NBAS: variants seen among roughly 807,000 people sequenced by gnomAD.
NBAS encodes NBAS subunit of NRZ tethering complex.
NBAS carries 219 observed loss-of-function variants against 302.5 expected under a neutral mutation model. That is an observed-to-expected ratio of 0.72 (90% CI 0.65 to 0.81). The LOEUF is 0.81. Among genes scored for constraint, NBAS ranks in the 30% least tolerant of loss-of-function variants. NBAS has a pLI of 0.00. For synonymous variants in NBAS, 1,118 were observed against 1,021.6 expected, an observed-to-expected ratio of 1.09 and a Z score of -1.80; for missense variants, 2,932 against 2,841.6, an observed-to-expected ratio of 1.03 and a Z score of -0.72.
intron 44 of NBAS, among the ~76,000 whole-genome samples, chr2:15,269,336 A>G (rs1235443478): frequency 6.6e-6 from 1 of 152,166 alleles, no homozygotes; most frequent in Non-Finnish European, 1.5e-5. Flanking sequence ...ATGGGAGACT[A>G]TTTAAAAATT....
intron 44 of NBAS, among the ~76,000 whole-genome samples, chr2:15,250,675 T>C (rs1157474189): frequency 6.6e-6 from 1 of 152,112 alleles, no homozygotes; most frequent in African/African-American, 2.4e-5. Context: ...ATCTCAAAAG[T>C]AGACATTTAT....
At chr2:14,902,411 T>A in the NBAS span, among the ~76,000 whole-genome samples, 5 of 152,178 alleles carry the variant, frequency 3.3e-5, no homozygotes, top group Non-Finnish European at 7.4e-5. Flanking sequence ...GGATTACAGA[T>A]TTGCACCACT....
chr2:15,421,677 A>C (rs1677220508), intron 23 of NBAS, among the ~76,000 whole-genome samples: 1 of 152,130 alleles, frequency 6.6e-6, no homozygotes, highest in Non-Finnish European at 1.5e-5. Context: ...AAAGAATACA[A>C]GCCAACTGAA....
At chr2:14,951,010 A>G in the NBAS span, among the ~76,000 whole-genome samples, 8 of 152,122 alleles carry the variant, frequency 5.3e-5, no homozygotes, top group Non-Finnish European at 1.2e-4. Flanking sequence ...CTCTGTAGCC[A>G]AAAGTACTCA....
intron 16 of NBAS, among the ~76,000 whole-genome samples, chr2:15,470,167 G>A (rs774400098): frequency 1.3e-5 from 2 of 151,602 alleles, no homozygotes; most frequent in African/African-American, 2.4e-5. Flanking sequence ...CCACAGCTGC[G>A]GCCTCCATAC....
intron 50 of NBAS, 43 bp from the exon 51 acceptor site, chr2:15,179,159 C>T (rs201477958): frequency 1.9e-6 from 3 of 1,613,288 alleles, no homozygotes; most frequent in Non-Finnish European, 2.5e-6. Context: ...CCACGACGTA[C>T]TTCTCACCGG....
chr2:15,275,821 A>C lies in NBAS; in HGVS notation c.5390-3T>G, dbSNP rs1452082999. The stretch of plus-strand genomic sequence containing the variant: ...TGTCAGCTTTTTGTAATTAAGACCT[A>C]GCAGAAAAAAAAAGAAAGTAGGTAA... On this transcript the variant is annotated splice_polypyrimidine_tract_variant and splice_region_variant and intron_variant, in intron 43 of 51. Transcript: ENST00000281513. 2 of 1,611,482 alleles carry C rather than the reference A, an allele frequency of 1.2e-6. No homozygotes were observed. Among genetic ancestry groups the C allele is most frequent in the Non-Finnish European group, 1.7e-6 (2 of 1,179,696 alleles).
chr2:15,536,459 C>T lies in NBAS; in HGVS notation c.606G>A (p.Leu202=). Residue 202 remains leucine (L), a synonymous_variant, in exon 8 of 52, where the codon CTG becomes CTA. Coordinates refer to ENST00000281513, the MANE Select transcript of NBAS (RefSeq NM_015909.4). ...KASAQWSAEL[L]VINYRGELRS... ...TAAGTTCTCCTCGGTAATTGATGACCAGGAGTTCTGCAGACCACTGTGCAC... is the reference window on the plus strand; with the variant it reads ...TAAGTTCTCCTCGGTAATTGATGACTAGGAGTTCTGCAGACCACTGTGCAC... 1 of 1,613,416 alleles carries T rather than the reference C, an allele frequency of 6.2e-7. No individual in the cohort carries two copies. Among genetic ancestry groups the T allele is most frequent in the South Asian group, 1.1e-5 (1 of 91,046 alleles).
intron 44 of NBAS, among the ~76,000 whole-genome samples, chr2:15,246,736 A>G (rs931644656): frequency 2.0e-5 from 3 of 152,232 alleles, no homozygotes; most frequent in Admixed American, 2.0e-4. Context: ...AACGGCATCA[A>G]GCTACTGATG....
the NBAS span, among the ~76,000 whole-genome samples, chr2:14,791,822 A>G: frequency 6.7e-6 from 1 of 150,024 alleles, no homozygotes; most frequent in Non-Finnish European, 1.5e-5. Flanking sequence ...ATAAATAAAT[A>G]AATAAATAAA....
the NBAS span, among the ~76,000 whole-genome samples, chr2:15,002,996 G>A: frequency 2.0e-3 from 303 of 152,368 alleles, 2 homozygotes; most frequent in African/African-American, 6.9e-3. Flanking sequence ...GTGCAGCGGC[G>A]GGCTGAAGGG....
chr2:15,477,701 A>G (rs918400285), intron 13 of NBAS, among the ~76,000 whole-genome samples: 11 of 152,232 alleles, frequency 7.2e-5, no homozygotes, highest in African/African-American at 2.7e-4. Context: ...AAATCTCAAA[A>G]GTAACCCCTA....
chr2:14,819,792 T>C, the NBAS span, among the ~76,000 whole-genome samples: 4 of 152,214 alleles, frequency 2.6e-5, no homozygotes, highest in Admixed American at 6.5e-5. Context: ...CTGAAATACA[T>C]AATGAGTTCA....
chr2:14,908,163 A>G, the NBAS span, among the ~76,000 whole-genome samples: 10,882 of 152,220 alleles, frequency 0.071, 572 homozygotes, highest in Non-Finnish European at 0.11. Context: ...GGAGATCGAG[A>G]CCATCCTGGC....
At chr2:15,393,118 C>G (rs551004279) in intron 28 of NBAS, among the ~76,000 whole-genome samples, 2 of 151,870 alleles carry the variant, frequency 1.3e-5, no homozygotes, top group South Asian at 2.1e-4. Context: ...GTTCATGGGT[C>G]TAAATGTAAA....
chr2:14,966,129 A>G, the NBAS span, among the ~76,000 whole-genome samples: 3 of 152,222 alleles, frequency 2.0e-5, no homozygotes, highest in African/African-American at 7.2e-5. Context: ...GAGACAAGGA[A>G]GGATAAGTCC....
chr2:15,540,269 T>C (rs1663742562), intron 6 of NBAS, among the ~76,000 whole-genome samples: 1 of 152,002 alleles, frequency 6.6e-6, no homozygotes, highest in South Asian at 2.1e-4. Context: ...GCATCCTGTC[T>C]TTCCATGCAG....
At chr2:15,013,001 G>T in the NBAS span, among the ~76,000 whole-genome samples, 35 of 152,122 alleles carry the variant, frequency 2.3e-4, no homozygotes, top group African/African-American at 8.0e-4. Flanking sequence ...GGGATTACTG[G>T]CATCCGCCAC....
chr2:15,327,860 G>T lies in NBAS; in HGVS notation c.4472C>A (p.Thr1491Asn), dbSNP rs1169318144. 2.5e-6 allele frequency: 4 copies of T among 1,613,192 alleles called. No homozygotes were observed. In the Admixed American group the frequency reaches 6.7e-5, roughly 27 times the overall value. Residue 1491 changes from threonine (T) to asparagine (N), a missense_variant, in exon 38 of 52, where the codon ACC becomes AAC. Coordinates refer to ENST00000281513, the MANE Select transcript of NBAS (RefSeq NM_015909.4). Reference protein sequence around the residue: ...SNPFVAESEGTYDTYQHVPVE... With the variant: ...SNPFVAESEGNYDTYQHVPVE... ...TGGAACATGCTGATAGGTGTCATAG[G>T]TCCCTTCAGACTACACAAAAGAAGC...
Sources: allele counts gnomAD v4.1 joint callset (sites outside exome capture counted in the v4.1 genomes callset), GRCh38; gene constraint gnomAD v4.1.1; transcripts MANE v1.5; gene names NCBI Gene and HGNC (gene_info 2026-07-23, HGNC 2026-07-21).